KCNMB2: variants seen among roughly 807,000 people sequenced by gnomAD.
The protein encoded by KCNMB2 is calcium-activated potassium channel subunit beta-2.
A neutral mutation model predicts 24.5 loss-of-function variants in KCNMB2; 9 were observed. That is an observed-to-expected ratio of 0.37 (90% CI 0.22 to 0.64). The LOEUF is 0.64. Ranked by LOEUF, KCNMB2 falls within the 30% of genes least tolerant of loss-of-function variation. The probability of loss-of-function intolerance (pLI) is 0.63; values close to 1 mark genes in which losing one functional copy is unlikely to be tolerated. For synonymous variants in KCNMB2, 109 were observed against 104.4 expected (o/e 1.04, Z -0.27); for missense variants, 226 against 284.3 (o/e 0.79, Z 1.47).
At position 178,792,754 on chromosome 3, in the gene KCNMB2, AG is replaced by A. The variant is rs534501504; in HGVS notation, c.-67-14588del. ...ATTCCTTGCAAATGAAAACCAAAAA[AG>A]AGCAGAAGTAGCTATTCTTATATTG... On this transcript the variant is annotated intron_variant, in intron 1 of 4. Coordinates refer to ENST00000452583, the MANE Select transcript of KCNMB2 (RefSeq NM_181361.3). 2.6e-5 allele frequency among the ~76,000 whole-genome samples: 4 copies of A among 152,360 alleles called. No individual in the cohort carries two copies. In the South Asian group the frequency reaches 8.3e-4, roughly 32 times the overall value.
chr3:178,719,401 T>C (rs1409308275), intron 1 of KCNMB2, among the ~76,000 whole-genome samples: 1 of 152,260 alleles, frequency 6.6e-6, no homozygotes, highest in Non-Finnish European at 1.5e-5. Context: ...AAACTAGGAA[T>C]GGCCTGGCTT....
Position 178,628,719 on chromosome 3 carries a change from A to G in KCNMB2, c.-68+92008A>G, listed in dbSNP as rs112048207. ...CTTTCTGGTGTTTATATTAAGGACC[A>G]CTGTGTAGTTTCCTGGGATTTAGGA... On this transcript the variant is annotated intron_variant, in intron 1 of 4. Coordinates refer to ENST00000452583, the MANE Select transcript of KCNMB2 (RefSeq NM_181361.3). Among the ~76,000 whole-genome samples the G allele has an allele frequency of 9.9e-5, 15 of 152,272 alleles. 1 individual carries two copies. Among genetic ancestry groups the G allele is most frequent in the African/African-American group, 3.6e-4 (15 of 41,558 alleles).
chr3:178,758,494 A>G (rs1451800477), intron 1 of KCNMB2, among the ~76,000 whole-genome samples: 2 of 27,770 alleles, frequency 7.2e-5, no homozygotes, highest in African/African-American at 2.0e-4. Context: ...GAGGTGATTG[A>G]TATATATATA....
intron 1 of KCNMB2, among the ~76,000 whole-genome samples, chr3:178,758,617 T>G (rs1283679186): frequency 2.0e-5 from 1 of 50,806 alleles, no homozygotes; most frequent in African/African-American, 7.0e-5. Context: ...TCCAAGAGGA[T>G]ATATATATAT....
chr3:178,773,841 A>G (rs1278960433), intron 1 of KCNMB2, among the ~76,000 whole-genome samples: 2 of 152,358 alleles, frequency 1.3e-5, no homozygotes, highest in East Asian at 1.9e-4. Flanking sequence ...TTATTAAAAA[A>G]TATTAACTCA....
At chr3:178,775,285 G>A (rs1294081999) in intron 1 of KCNMB2, among the ~76,000 whole-genome samples, 4 of 151,690 alleles carry the variant, frequency 2.6e-5, no homozygotes, top group Admixed American at 2.0e-4. Context: ...CTGAAAACAG[G>A]GAATTAATCC....
At chr3:178,729,801 T>A (rs1723084847) in intron 1 of KCNMB2, among the ~76,000 whole-genome samples, 1 of 152,194 alleles carries the variant, frequency 6.6e-6, no homozygotes, top group Admixed American at 6.5e-5. Flanking sequence ...GGTTTTTCTG[T>A]CTTTAAGGTT....
intron 1 of KCNMB2, among the ~76,000 whole-genome samples, chr3:178,722,822 G>T (rs1253123611): frequency 6.6e-6 from 1 of 152,146 alleles, no homozygotes; most frequent in Admixed American, 6.5e-5. Context: ...GAGCCCTGGG[G>T]GCGGAGGTTG....
At chr3:178,688,052 G>A (rs768149048) in intron 1 of KCNMB2, among the ~76,000 whole-genome samples, 1 of 152,170 alleles carries the variant, frequency 6.6e-6, no homozygotes, top group Admixed American at 6.5e-5. Context: ...AAGAGGTTAG[G>A]TTTGGGGTGA....
intron 2 of KCNMB2, among the ~76,000 whole-genome samples, chr3:178,819,711 A>G (rs1714552522): frequency 6.6e-6 from 1 of 152,228 alleles, no homozygotes. Context: ...GTTAATTGAT[A>G]AAGTTGATAA....
At chr3:178,679,047 G>GTTTTTTT (rs368633480) in intron 1 of KCNMB2, among the ~76,000 whole-genome samples, 5 of 150,216 alleles carry the variant, frequency 3.3e-5, no homozygotes, top group African/African-American at 1.2e-4. Context: ...TTTGTTTTTT[G>GTTTTTTT]TTTTGTTTTT....
At chr3:178,770,868 G>A (rs1192429082) in intron 1 of KCNMB2, among the ~76,000 whole-genome samples, 1 of 152,120 alleles carries the variant, frequency 6.6e-6, no homozygotes, top group Non-Finnish European at 1.5e-5. Context: ...CTGGCTAATT[G>A]GCAGAGTCAG....
chr3:178,564,903 G>C (rs1378115259), intron 1 of KCNMB2, among the ~76,000 whole-genome samples: 1 of 151,974 alleles, frequency 6.6e-6, no homozygotes. Context: ...TAAAATTTTG[G>C]AGGCAACCTA....
At chr3:178,653,671 AT>A (rs1271663734) in intron 1 of KCNMB2, among the ~76,000 whole-genome samples, 116 of 151,972 alleles carry the variant, frequency 7.6e-4, no homozygotes, top group Non-Finnish European at 1.4e-3. Flanking sequence ...TAATTAAATA[AT>A]TTTTTCTCTA....
chr3:178,707,186 G>A (rs1722307714), intron 1 of KCNMB2, among the ~76,000 whole-genome samples: 2 of 152,090 alleles, frequency 1.3e-5, no homozygotes, highest in South Asian at 4.1e-4. Context: ...GGTGAGTTGA[G>A]TGGAACAGAG....
chr3:178,624,579 A>ATTT (rs1283536130), intron 1 of KCNMB2, among the ~76,000 whole-genome samples: 1 of 117,638 alleles, frequency 8.5e-6, no homozygotes, highest in African/African-American at 3.8e-5. Context: ...GTAGCTTTCT[A>ATTT]TTTTTTCTTT....
At chr3:178,644,989 T>C (rs1402121275) in intron 1 of KCNMB2, among the ~76,000 whole-genome samples, 1 of 152,104 alleles carries the variant, frequency 6.6e-6, no homozygotes, top group Non-Finnish European at 1.5e-5. Flanking sequence ...ACTTGTTTTT[T>C]AAAACGTTGC....
Position 178,536,516 on chromosome 3 carries a change from T to C in KCNMB2, c.-263T>C, listed in dbSNP as rs1426441037. The C allele has an allele frequency of 6.6e-6, 1 of 152,242 alleles. No homozygotes were observed. The highest frequency in any genetic ancestry group is 1.9e-4 in the East Asian group (1 of 5,194). 9.4% of individuals were successfully genotyped at this position (152,242 alleles called of 1,614,324 possible). A position where few individuals can be genotyped will look rare whatever the true frequency, so the allele number is the denominator to read the frequency against. On this transcript the variant is annotated 5_prime_UTR_variant, in exon 1 of 5. Coordinates refer to ENST00000452583, the MANE Select transcript of KCNMB2 (RefSeq NM_181361.3). ...AGCGTGCCTGTCACTCCTATTGTCC[T>C]TCCAAACTCTTTCAGACATTTTGAG...
chr3:178,717,548 G>T (rs1448411521), intron 1 of KCNMB2, among the ~76,000 whole-genome samples: 2 of 152,118 alleles, frequency 1.3e-5, no homozygotes, highest in Non-Finnish European at 2.9e-5. Context: ...CTCCCAGAGA[G>T]AATTGGACAA....
Sources: allele counts gnomAD v4.1 joint callset (sites outside exome capture counted in the v4.1 genomes callset), GRCh38; gene constraint gnomAD v4.1.1; transcripts MANE v1.5; gene names NCBI Gene and HGNC (gene_info 2026-07-23, HGNC 2026-07-21).